The following MAML3 variants were observed in gnomAD, a reference collection of about 807,000 sequenced individuals.
MAML3 encodes the protein mastermind like transcriptional coactivator 3, also known as mastermind-like protein 3.
A neutral mutation model predicts 101.9 loss-of-function variants in MAML3; 27 were observed. The ratio of observed to expected loss-of-function variants is 0.27; its 90% CI spans 0.20 to 0.37. MAML3 has a LOEUF of 0.37. Ranked by LOEUF, MAML3 falls within the 10% of genes least tolerant of loss-of-function variation. The probability of loss-of-function intolerance (pLI) is 1.00; values close to 1 mark genes in which losing one functional copy is unlikely to be tolerated. For synonymous variants in MAML3, 501 were observed against 555.9 expected (o/e 0.90, Z 1.39); for missense variants, 1,316 against 1,444.9 (o/e 0.91, Z 1.45).
chr4:139,971,296 T>G (rs1734231132), intron 1 of MAML3, among the ~76,000 whole-genome samples: 1 of 152,242 alleles, frequency 6.6e-6, no homozygotes, highest in Admixed American at 6.5e-5. Flanking sequence ...ATTTGGTGAT[T>G]GTGGACTAAA....
chr4:139,863,343 C>CT (rs11439880), intron 2 of MAML3, among the ~76,000 whole-genome samples: 20,346 of 120,536 alleles, frequency 0.17, 2,163 homozygotes, highest in Admixed American at 0.24. Flanking sequence ...TTCCTGTGCC[C>CT]TTTTTTTTTT....
In MAML3 at chr4:140,152,852, G is replaced by C; in HGVS notation, c.468+8C>G. Reference sequence around the variant, plus strand: ...CGCGCCGCAAGCCCGCTGCCCGTGCGCCCTCACCATGATCAGCGTGTGGTT... The same window carrying C: ...CGCGCCGCAAGCCCGCTGCCCGTGCCCCCTCACCATGATCAGCGTGTGGTT... On this transcript the variant is annotated splice_region_variant and intron_variant, in intron 1 of 4. Coordinates refer to ENST00000509479, the MANE Select transcript of MAML3 (RefSeq NM_018717.5). 1 of 1,601,986 alleles carries C rather than the reference G, an allele frequency of 6.2e-7. No individual in the cohort carries two copies.
intron 1 of MAML3, among the ~76,000 whole-genome samples, chr4:140,039,048 G>A (rs1298873224): frequency 6.6e-6 from 1 of 152,134 alleles, no homozygotes; most frequent in Non-Finnish European, 1.5e-5. Context: ...GAACCTGGGA[G>A]GTGGAGGTTG....
intron 1 of MAML3, among the ~76,000 whole-genome samples, chr4:140,126,790 C>T (rs1728692202): frequency 1.3e-5 from 2 of 152,124 alleles, no homozygotes. Flanking sequence ...AAACATCTTC[C>T]CTCCAAAACC....
At chr4:139,971,863 C>G (rs1032230787) in intron 1 of MAML3, among the ~76,000 whole-genome samples, 1 of 152,096 alleles carries the variant, frequency 6.6e-6, no homozygotes, top group African/African-American at 2.4e-5. Context: ...TGGAATGGAC[C>G]TTTCTCATGG....
Position 139,919,022 on chromosome 4 carries a change from A to G in MAML3, c.469-28055T>C, listed in dbSNP as rs115532883. On this transcript the variant is annotated intron_variant, in intron 1 of 4. Coordinates refer to ENST00000509479, the MANE Select transcript of MAML3 (RefSeq NM_018717.5). ...TTATCCATGTCTCTTAGTTTCCTAT[A>G]TGCACAGTGGGGTTAAATCCTAAAG... Among the ~76,000 whole-genome samples the G allele has an allele frequency of 2.0e-3, 302 of 152,302 alleles. 2 individuals carry two copies. Among genetic ancestry groups the G allele is most frequent in the African/African-American group, 6.9e-3 (287 of 41,560 alleles).
chr4:139,908,927 C>T (rs533770048), intron 1 of MAML3, among the ~76,000 whole-genome samples: 14 of 152,276 alleles, frequency 9.2e-5, no homozygotes, highest in Admixed American at 8.5e-4. Context: ...TAATACAGTA[C>T]CCATGGTAAT....
intron 1 of MAML3, among the ~76,000 whole-genome samples, chr4:139,932,249 A>ATTT (rs397762815): frequency 2.7e-5 from 4 of 149,868 alleles, no homozygotes; most frequent in African/African-American, 7.4e-5. Flanking sequence ...TGTTATCTTG[A>ATTT]TTTTTTTTTT....
chr4:139,942,789 G>A (rs1733632792), intron 1 of MAML3, among the ~76,000 whole-genome samples: 1 of 152,004 alleles, frequency 6.6e-6, no homozygotes, highest in Non-Finnish European at 1.5e-5. Context: ...AAACTGAATC[G>A]TGATTTGGTC....
chr4:139,889,160 A>G, intron 2 of MAML3, 197 bp downstream of exon 2: 5 of 1,036,186 alleles, frequency 4.8e-6, no homozygotes, highest in Non-Finnish European at 3.0e-6. Flanking sequence ...ACGAAAGTTT[A>G]TCATGCCACC....
At chr4:140,074,199 G>GAGAA (rs57126361) in intron 1 of MAML3, among the ~76,000 whole-genome samples, 12,016 of 81,612 alleles carry the variant, frequency 0.15, 1,443 homozygotes, top group African/African-American at 0.19. Context: ...GAGAAAGAAA[G>GAGAA]AGAAAGAAAG....
chr4:139,826,841 C>T (rs1731068997), intron 2 of MAML3, among the ~76,000 whole-genome samples: 1 of 152,114 alleles, frequency 6.6e-6, no homozygotes, highest in Admixed American at 6.5e-5. Flanking sequence ...ACACAAAGAT[C>T]CCTCTCCCTT....
chr4:139,973,643 T>C (rs1734268615), intron 1 of MAML3, among the ~76,000 whole-genome samples: 1 of 152,130 alleles, frequency 6.6e-6, no homozygotes, highest in Non-Finnish European at 1.5e-5. Flanking sequence ...TGAGGTCTCC[T>C]AAAATAGTCC....
rs1468626748 is a variant in MAML3, at chr4:139,718,375, T to C, written c.*948A>G. The C allele has an allele frequency of 6.6e-6, 1 of 152,180 alleles. No individual in the cohort carries two copies. Among genetic ancestry groups the C allele is most frequent in the Non-Finnish European group, 1.5e-5 (1 of 68,104 alleles). The allele number at this position is 152,180 out of a possible 1,614,324, so 9.4% of individuals were successfully genotyped here. ...TAAGCTTCACTTCTTGGATAGTCTGTAAGGAGAAGCAAGGGGAGGCTGGTG... is the reference window on the plus strand; with the variant it reads ...TAAGCTTCACTTCTTGGATAGTCTGCAAGGAGAAGCAAGGGGAGGCTGGTG... On this transcript the variant is annotated 3_prime_UTR_variant, in exon 5 of 5. Transcript: ENST00000509479.
intron 1 of MAML3, among the ~76,000 whole-genome samples, chr4:140,103,397 C>T (rs1490875143): frequency 6.6e-6 from 1 of 152,044 alleles, no homozygotes; most frequent in Non-Finnish European, 1.5e-5. Context: ...TTAAAAAGAA[C>T]AATAATTTAA....
At chr4:140,129,089 G>C (rs551260477) in intron 1 of MAML3, among the ~76,000 whole-genome samples, 2 of 152,096 alleles carry the variant, frequency 1.3e-5, no homozygotes, top group African/African-American at 4.8e-5. Flanking sequence ...ACTCTCGGGG[G>C]ACTCAGTAGC....
rs2111199940 is a variant in MAML3, at chr4:139,890,961, C to T, written c.475G>A (p.Glu159Lys). ...CCTTCCAACTTCCTTTTCACAGTCT[C>T]TTGTAGCTGGAAAAGAAACAGGAAA... is the stretch of plus-strand genomic sequence containing the variant. ...QRNHTLIMLQ[E>K]TVKRKLEGAR... Residue 159 changes from glutamate to lysine, a missense_variant, in exon 2 of 5, where the codon GAG becomes AAG. Transcript: ENST00000509479. This position sits in a 1 kb window ranked among gnomAD's most constrained non-coding sequence, Gnocchi z 4.1. 6.2e-7 allele frequency: 1 copy of T among 1,609,110 alleles called. No homozygotes were observed. Among genetic ancestry groups the T allele is most frequent in the East Asian group, 2.2e-5 (1 of 44,810 alleles).
chr4:139,790,622 A>G, intron 2 of MAML3, among the ~76,000 whole-genome samples: 1 of 152,248 alleles, frequency 6.6e-6, no homozygotes, highest in East Asian at 1.9e-4. Flanking sequence ...GGTATCTTAT[A>G]TAGATGGAAT....
Position 139,845,886 on chromosome 4 carries a change from G to A in MAML3, c.2079+43471C>T, listed in dbSNP as rs145693991. On this transcript the variant is annotated intron_variant, in intron 2 of 4. Coordinates refer to ENST00000509479, the MANE Select transcript of MAML3 (RefSeq NM_018717.5). ...CTGTGCAGTAGTAAAATTACAGTTCGTTAAGTAAATCTTGAGTCAGAGTAA... is the reference window on the plus strand; with the variant it reads ...CTGTGCAGTAGTAAAATTACAGTTCATTAAGTAAATCTTGAGTCAGAGTAA... Among the ~76,000 whole-genome samples, 719 of 152,256 alleles carry A rather than the reference G, an allele frequency of 4.7e-3. 9 individuals carry two copies. Among genetic ancestry groups the A allele is most frequent in the African/African-American group, 0.016 (669 of 41,546 alleles).
Sources: allele counts gnomAD v4.1 joint callset (sites outside exome capture counted in the v4.1 genomes callset), GRCh38; gene constraint gnomAD v4.1.1; non-coding constraint Gnocchi (gnomAD v3.1); transcripts MANE v1.5; gene names NCBI Gene and HGNC (gene_info 2026-07-23, HGNC 2026-07-21).